Variants in RBFOX1 observed in about 807,000 individuals in gnomAD.
The protein encoded by RBFOX1 is RNA binding protein fox-1 homolog 1.
Under a neutral mutation model 57.7 loss-of-function variants are expected in RBFOX1, and 8 were observed. The observed-to-expected ratio is 0.14, with a 90% CI of 0.08 to 0.25. RBFOX1 has a LOEUF of 0.25. Among genes scored for constraint, RBFOX1 ranks in the 10% least tolerant of loss-of-function variants. The pLI is 1.00. For synonymous variants in RBFOX1, 326 were observed against 222.4 expected, an observed-to-expected ratio of 1.47 and a Z score of -4.15; for missense variants, 611 against 548.5, an observed-to-expected ratio of 1.11 and a Z score of -1.14.
intron 3 of RBFOX1, among the ~76,000 whole-genome samples, chr16:5,645,238 A>C (rs2049011324): frequency 1.3e-5 from 2 of 148,458 alleles, no homozygotes; most frequent in South Asian, 2.2e-4. Context: ...AGCAAAAATG[A>C]AGTTCCATCT....
intron 2 of RBFOX1, among the ~76,000 whole-genome samples, chr16:6,445,831 T>A (rs2094473831): frequency 6.6e-6 from 1 of 152,190 alleles, no homozygotes; most frequent in South Asian, 2.1e-4. Flanking sequence ...TCTGCCCTCC[T>A]CAGCCTCCCA....
intron 3 of RBFOX1, among the ~76,000 whole-genome samples, chr16:5,793,025 A>G (rs2054753111): frequency 6.6e-6 from 1 of 152,144 alleles, no homozygotes; most frequent in African/African-American, 2.4e-5. Context: ...ATAGAAATGA[A>G]CCCCTGCAGT....
chr16:5,847,803 A>G (rs746922528), intron 3 of RBFOX1, among the ~76,000 whole-genome samples: 6 of 152,118 alleles, frequency 3.9e-5, no homozygotes, highest in Non-Finnish European at 7.4e-5. Flanking sequence ...ATGGAAGTCA[A>G]TGAAATGAAG....
chr16:6,439,611 A>G (rs1472371542), intron 2 of RBFOX1, among the ~76,000 whole-genome samples: 2 of 152,140 alleles, frequency 1.3e-5, no homozygotes, highest in East Asian at 3.9e-4. Context: ...TGATTTCTTG[A>G]CAAATTGTTT....
At chr16:7,396,518 A>G (rs544643126) in intron 4 of RBFOX1, among the ~76,000 whole-genome samples, 115 of 152,234 alleles carry the variant, frequency 7.6e-4, no homozygotes, top group African/African-American at 2.6e-3. Context: ...GGACACAGTC[A>G]CTCAGAGTAG....
chr16:7,184,656 G>A (rs544831933), intron 4 of RBFOX1, among the ~76,000 whole-genome samples: 24 of 146,270 alleles, frequency 1.6e-4, no homozygotes, highest in African/African-American at 6.4e-4. Context: ...GATCACATGG[G>A]TATACCTAAA....
chr16:6,852,076 C>G (rs1484988466), intron 3 of RBFOX1, among the ~76,000 whole-genome samples: 1 of 151,966 alleles, frequency 6.6e-6, no homozygotes, highest in Non-Finnish European at 1.5e-5. Context: ...CAGGCACCTG[C>G]CACCACGTAA....
At chr16:6,815,042 A>G (rs2089752597) in intron 3 of RBFOX1, among the ~76,000 whole-genome samples, 1 of 152,102 alleles carries the variant, frequency 6.6e-6, no homozygotes, top group Non-Finnish European at 1.5e-5. Context: ...CAAGGGATGG[A>G]TTATTCATAG....
chr16:6,199,111 T>C (rs1327062460), intron 1 of RBFOX1, among the ~76,000 whole-genome samples: 1 of 152,096 alleles, frequency 6.6e-6, no homozygotes, highest in Non-Finnish European at 1.5e-5. Context: ...ATTTTCTTAT[T>C]GAAAAAAATA....
intron 2 of RBFOX1, among the ~76,000 whole-genome samples, chr16:5,580,942 G>C (rs2046644161): frequency 6.6e-6 from 1 of 152,208 alleles, no homozygotes. Context: ...GACGTGACAG[G>C]CTAAGGCAAG....
chr16:7,095,284 G>C (rs1440456786), intron 4 of RBFOX1, among the ~76,000 whole-genome samples: 2 of 151,924 alleles, frequency 1.3e-5, no homozygotes, highest in Admixed American at 1.3e-4. Context: ...ATTACAGGCT[G>C]TCACCACTGT....
chr16:6,112,974 C>T (rs1392296999), intron 1 of RBFOX1, among the ~76,000 whole-genome samples: 1 of 152,122 alleles, frequency 6.6e-6, no homozygotes, highest in Non-Finnish European at 1.5e-5. Context: ...CAAGGAAGCA[C>T]CATTGAAGCC....
chr16:5,704,145 C>G (rs532505079), intron 3 of RBFOX1, among the ~76,000 whole-genome samples: 2 of 152,162 alleles, frequency 1.3e-5, no homozygotes, highest in East Asian at 3.9e-4. Context: ...GACATGACAG[C>G]AAGAAGAGGG....
At chr16:5,405,493 G>A (rs1168609061) in intron 1 of RBFOX1, among the ~76,000 whole-genome samples, 1 of 152,174 alleles carries the variant, frequency 6.6e-6, no homozygotes, top group African/African-American at 2.4e-5. Flanking sequence ...GGAACTGTGA[G>A]TCCATTAAAC....
At chr16:7,204,161 C>A (rs1323839603) in intron 4 of RBFOX1, among the ~76,000 whole-genome samples, 1 of 152,190 alleles carries the variant, frequency 6.6e-6, no homozygotes. Context: ...GAAGGCTTTA[C>A]TTTCTCAGAG....
chr16:7,665,630 A>G (rs567960875), intron 13 of RBFOX1, among the ~76,000 whole-genome samples: 2 of 152,306 alleles, frequency 1.3e-5, no homozygotes, highest in African/African-American at 4.8e-5. Flanking sequence ...ACAAGAATTT[A>G]ACTATGTTCA....
At chr16:5,534,248 C>G (rs1200880174) in intron 2 of RBFOX1, among the ~76,000 whole-genome samples, 3 of 152,096 alleles carry the variant, frequency 2.0e-5, no homozygotes, top group Admixed American at 6.6e-5. Flanking sequence ...AAGTCATATA[C>G]TGTATTAGAG....
At chr16:6,383,796 G>C (rs1270866526) in intron 2 of RBFOX1, among the ~76,000 whole-genome samples, 1 of 151,776 alleles carries the variant, frequency 6.6e-6, no homozygotes. Context: ...AAGAAAAACA[G>C]CACAACAAAC....
In RBFOX1 at chr16:5,827,920, C is replaced by T. The variant is rs28542362; in HGVS notation, c.319-39383C>T. Among the ~76,000 whole-genome samples, 33 of 134,958 alleles carry T rather than the reference C, an allele frequency of 2.4e-4. No individual in the cohort carries two copies. The East Asian group carries it at 6.4e-3, about 26-fold the overall frequency. 88.5% of individuals were successfully genotyped at this position (134,958 alleles called of 152,430 possible). On this transcript the variant is annotated intron_variant, in intron 3 of 19. Coordinates refer to the RBFOX1 transcript ENST00000641259. The stretch of plus-strand genomic sequence containing the variant: ...ATCCATCCATCCATCCATCCATCCA[C>T]CCATCCACCCACCCATCCACCCACC...
Sources: gnomAD v4.1 joint callset for allele counts (sites outside exome capture counted in the v4.1 genomes callset) on GRCh38, gnomAD v4.1.1 for gene constraint, MANE v1.5 for transcripts, NCBI Gene and HGNC (gene_info 2026-07-23, HGNC 2026-07-21) for gene names.